OSBPL10: variants seen among roughly 807,000 people sequenced by gnomAD.
The protein encoded by OSBPL10 is oxysterol-binding protein-related protein 10.
OSBPL10 carries 49 observed loss-of-function variants against 81.7 expected under a neutral mutation model. That is an observed-to-expected ratio of 0.60 (90% confidence interval 0.48 to 0.76). OSBPL10 has a LOEUF of 0.76. Ranked by LOEUF, OSBPL10 falls within the 30% of genes least tolerant of loss-of-function variation. The pLI, the probability that OSBPL10 is intolerant of heterozygous loss-of-function variation, is 0.00. For missense variants in OSBPL10, 923 were observed against 987.8 expected, an observed-to-expected ratio of 0.93 and a Z score of 0.88; for synonymous variants, 419 against 383.6, an observed-to-expected ratio of 1.09 and a Z score of -1.08.
At chr3:31,977,482 A>G (rs1272088256) in intron 1 of OSBPL10, among the ~76,000 whole-genome samples, 4 of 152,072 alleles carry the variant, frequency 2.6e-5, no homozygotes, top group African/African-American at 9.7e-5. Flanking sequence ...CCCAGTCTGA[A>G]ATTCTAATCC....
At chr3:31,924,216 C>CT (rs1697001758) in intron 1 of OSBPL10, among the ~76,000 whole-genome samples, 1 of 111,078 alleles carries the variant, frequency 9.0e-6, no homozygotes, top group African/African-American at 4.0e-5. Context: ...AAGACTTCAT[C>CT]TAAAAAAAAA....
chr3:31,674,053 C>T (rs1055390538), intron 8 of OSBPL10, among the ~76,000 whole-genome samples: 2 of 152,104 alleles, frequency 1.3e-5, no homozygotes, highest in Non-Finnish European at 2.9e-5. Flanking sequence ...CCCAAAGTGA[C>T]TAAACAAACT....
At chr3:31,898,994 G>A (rs1025848471) in intron 1 of OSBPL10, among the ~76,000 whole-genome samples, 9 of 123,524 alleles carry the variant, frequency 7.3e-5, no homozygotes, top group Non-Finnish European at 4.7e-5. Context: ...CAGAGTCTCG[G>A]TCTGTCACCC....
At chr3:31,665,690 A>C (rs1156581240) in intron 10 of OSBPL10, among the ~76,000 whole-genome samples, 1 of 152,206 alleles carries the variant, frequency 6.6e-6, no homozygotes, top group Non-Finnish European at 1.5e-5. Flanking sequence ...TTAAGAGGAA[A>C]GACTCGCCCA....
chr3:31,689,071 G>C (rs138805761), intron 7 of OSBPL10, among the ~76,000 whole-genome samples: 8 of 152,066 alleles, frequency 5.3e-5, no homozygotes, highest in African/African-American at 1.9e-4. Context: ...AGCAACTTCT[G>C]CCAATTATTA....
chr3:31,782,215 G>A (rs1698713809), intron 4 of OSBPL10, among the ~76,000 whole-genome samples: 1 of 152,118 alleles, frequency 6.6e-6, no homozygotes, highest in Non-Finnish European at 1.5e-5. Context: ...AAATGGTGAT[G>A]GGATAATTGG....
At chr3:31,807,734 T>A (rs927909430) in intron 4 of OSBPL10, among the ~76,000 whole-genome samples, 1 of 152,070 alleles carries the variant, frequency 6.6e-6, no homozygotes, top group African/African-American at 2.4e-5. Context: ...CAAGACCCCA[T>A]CTCTAAAAAG....
At chr3:31,807,374 A>AAAATAAATAAATAAAT (rs536299438) in intron 4 of OSBPL10, among the ~76,000 whole-genome samples, 5,398 of 137,366 alleles carry the variant, frequency 0.039, 117 homozygotes, top group Middle Eastern at 0.084. Flanking sequence ...CTGTCTCAGA[A>AAAATAAATAAATAAAT]AAATAAATAA....
intron 3 of OSBPL10, among the ~76,000 whole-genome samples, chr3:31,864,458 T>C (rs1701127344): frequency 6.6e-6 from 1 of 152,150 alleles, no homozygotes; most frequent in East Asian, 1.9e-4. Flanking sequence ...CAGGCTGGTC[T>C]CGAATTCCTG....
chr3:32,026,056 A>ATAGATAGATGAT (rs1553649783), intron 2 of OSBPL10, among the ~76,000 whole-genome samples: 337 of 104,350 alleles, frequency 3.2e-3, no homozygotes, highest in Non-Finnish European at 3.6e-3. Context: ...AGATAGATAG[A>ATAGATAGATGAT]TGATAGATAG....
chr3:31,751,546 T>C (rs1697722348), intron 4 of OSBPL10, among the ~76,000 whole-genome samples: 1 of 152,182 alleles, frequency 6.6e-6, no homozygotes, highest in Non-Finnish European at 1.5e-5. Flanking sequence ...CCAGGAGTGC[T>C]AAATGTCTCT....
At chr3:31,883,563 T>C (rs1695652159) in intron 1 of OSBPL10, among the ~76,000 whole-genome samples, 1 of 130,128 alleles carries the variant, frequency 7.7e-6, no homozygotes, top group Non-Finnish European at 1.6e-5. Context: ...TTGAGATGAG[T>C]CTTGCTCTGT....
chr3:32,052,970 C>T (rs201660318), intron 1 of OSBPL10, among the ~76,000 whole-genome samples: 3 of 151,504 alleles, frequency 2.0e-5, no homozygotes, highest in African/African-American at 7.3e-5. Context: ...ACAGAACAAT[C>T]AAAAAAAAAT....
intron 2 of OSBPL10, among the ~76,000 whole-genome samples, chr3:31,996,272 A>C (rs1173671362): frequency 1.3e-5 from 2 of 152,244 alleles, no homozygotes; most frequent in African/African-American, 2.4e-5. Flanking sequence ...ACTTCTGTCC[A>C]AAGAAATGTT....
intron 5 of OSBPL10, 117 bp from the exon 6 acceptor site, chr3:31,733,528 A>G: frequency 8.1e-7 from 1 of 1,240,358 alleles, no homozygotes; most frequent in Non-Finnish European, 1.2e-6. Context: ...GAGGTAAAAC[A>G]CAGAGGGCTT....
At chr3:31,941,604 G>A (rs1339484365) in intron 1 of OSBPL10, among the ~76,000 whole-genome samples, 2 of 152,150 alleles carry the variant, frequency 1.3e-5, no homozygotes, top group East Asian at 3.9e-4. Context: ...GATCCCTGCT[G>A]ACCCCAATTT....
chr3:31,720,792 G>A (rs1353608025), intron 6 of OSBPL10, among the ~76,000 whole-genome samples: 1 of 150,236 alleles, frequency 6.7e-6, no homozygotes, highest in African/African-American at 2.5e-5. Flanking sequence ...CCTAGCTATT[G>A]GGGAGGCTGA....
At chr3:32,059,843 T>C (rs1337708614) in intron 1 of OSBPL10, among the ~76,000 whole-genome samples, 1 of 151,406 alleles carries the variant, frequency 6.6e-6, no homozygotes, top group Non-Finnish European at 1.5e-5. Context: ...GCCCAGGAGG[T>C]GGAGGTTAAA....
chr3:31,774,533 G>C (rs951184739), intron 4 of OSBPL10, among the ~76,000 whole-genome samples: 1 of 53,236 alleles, frequency 1.9e-5, no homozygotes, highest in African/African-American at 9.8e-5. Flanking sequence ...TTTTGTTTTT[G>C]AGACAGTCTT....
Sources: gnomAD v4.1 joint callset for allele counts (sites outside exome capture counted in the v4.1 genomes callset) on GRCh38, gnomAD v4.1.1 for gene constraint, MANE v1.5 for transcripts, NCBI Gene and HGNC (gene_info 2026-07-23, HGNC 2026-07-21) for gene names.